Variants in ADAMTS7 observed in about 807,000 individuals in gnomAD.
The protein encoded by ADAMTS7 is A disintegrin and metalloproteinase with thrombospondin motifs 7.
In ADAMTS7, 89 loss-of-function variants were observed where a neutral mutation model predicts 172.6. The ratio of observed to expected loss-of-function variants is 0.52; its 90% CI spans 0.43 to 0.61. The LOEUF (loss-of-function observed/expected upper bound fraction) is 0.61, where lower values mean the gene tolerates loss of function less well. Ranked by LOEUF, ADAMTS7 falls within the 20% of genes least tolerant of loss-of-function variation. The probability of loss-of-function intolerance (pLI) is 0.00; values close to 1 mark genes in which losing one functional copy is unlikely to be tolerated. For synonymous variants in ADAMTS7, 885 were observed against 978.4 expected (o/e 0.90, Z 1.78); for missense variants, 1,973 against 2,355.6 (o/e 0.84, Z 3.36).
At chr15:78,768,311 AAGAC>A in intron 16 of ADAMTS7, 52 bp from the exon 17 acceptor site, 1 of 1,606,904 alleles carries the variant, frequency 6.2e-7, no homozygotes, top group South Asian at 1.1e-5. Context: ...CCCACCACCC[AAGAC>A]CCAAAGACAC....
Position 78,774,175 on chromosome 15 carries a change from T to C in ADAMTS7, c.2002A>G (p.Ile668Val), listed in dbSNP as rs2055298774. The C allele has an allele frequency of 1.7e-5, 27 of 1,592,044 alleles. No homozygotes were observed. The highest frequency in any genetic ancestry group is 2.2e-5 in the Non-Finnish European group (26 of 1,177,710). Reference protein sequence around the residue: ...RASRDLCINGICKNVGCDFEI... With the variant: ...RASRDLCINGVCKNVGCDFEI... ...TTCCTAACCAGGCACACCTTACAGA[T>C]GCCGTTGATGCAGAGGTCCCGGCTG... The change falls in exon 13 of 24, where the codon ATC becomes GTC. Residue 668 changes from isoleucine to valine, a missense_variant. Physicochemically the swap from Ile to Val is conservative, Grantham distance 29. Transcript: ENST00000388820.
chr15:78,780,682 C>T (rs1359735251), intron 8 of ADAMTS7, among the ~76,000 whole-genome samples: 1 of 152,116 alleles, frequency 6.6e-6, no homozygotes, highest in African/African-American at 2.4e-5. Context: ...CCAGTGCCCC[C>T]CCACCACCTC....
rs1447849936 is a variant in ADAMTS7 at position 78,791,152 on chromosome 15, C to A, written c.891G>T (p.Leu297=). Residue 297 remains leucine, a synonymous_variant, in exon 5 of 24, where the codon CTG becomes CTT. Coordinates refer to ENST00000388820, the MANE Select transcript of ADAMTS7 (RefSeq NM_014272.5). The part of the protein sequence containing the change: ...IHITIVRLVL[L]EDEEEDLKIT... ...CATGACCACTCACCTCCTCATCTTC[C>A]AGCAGGACCAGGCGCACAATGGTGA... 1 of 1,613,298 alleles carries A rather than the reference C, an allele frequency of 6.2e-7. No individual in the cohort carries two copies. Among genetic ancestry groups the A allele is most frequent in the Non-Finnish European group, 8.5e-7 (1 of 1,179,620 alleles).
chr15:78,806,853 G>A (rs148848050), intron 1 of ADAMTS7, among the ~76,000 whole-genome samples: 91 of 152,180 alleles, frequency 6.0e-4, no homozygotes, highest in African/African-American at 1.7e-3. Flanking sequence ...TGCAACCTCC[G>A]GCTGCTGGGT....
At position 78,771,742 on chromosome 15, in the gene ADAMTS7, C is replaced by T. The variant is rs775656627; in HGVS notation, c.2219G>A (p.Arg740Gln). ...GAAGTACTTCTCCGGGTCCTCGCTC[C>T]GCAGTGCCAGGAAGTTGGCAGCCTC... ...VAEAANFLALRSEDPEKYFLN... is the reference protein window; with the variant it reads ...VAEAANFLALQSEDPEKYFLN... Residue 740 changes from arginine to glutamine, a missense_variant, in exon 15 of 24, where the codon CGG (arginine) becomes CAG (glutamine). Transcript: ENST00000388820. The surrounding 1 kb of genome is among the most constrained non-coding windows in gnomAD (Gnocchi z 4.9). 19 of 1,611,482 alleles carry T rather than the reference C, an allele frequency of 1.2e-5. No homozygotes were observed. The highest frequency in any genetic ancestry group is 1.4e-5 in the Non-Finnish European group (17 of 1,180,008).
Position 78,771,221 on chromosome 15 carries a change from G to T in ADAMTS7, c.2459C>A (p.Pro820Gln), listed in dbSNP as rs3825830. Reference sequence around the variant, plus strand: ...CCCATAATGCCAGGAGAACACGGGCGGCGGGACCTCGTCGTGGCCACCTGC... The same window carrying T: ...CCCATAATGCCAGGAGAACACGGGCTGCGGGACCTCGTCGTGGCCACCTGC... ...REAGGHDEVP[P>Q]PVFSWHYGPW... Residue 820 changes from proline (P) to glutamine (Q), a missense_variant, in exon 16 of 24, where the codon CCG becomes CAG. Transcript: ENST00000388820. The surrounding 1 kb of genome is among the most constrained non-coding windows in gnomAD (Gnocchi z 4.9). 6.2e-7 allele frequency: 1 copy of T among 1,611,898 alleles called. No homozygotes were observed. Among genetic ancestry groups the T allele is most frequent in the South Asian group, 1.1e-5 (1 of 90,874 alleles).
chr15:78,764,854 C>T lies in ADAMTS7; in HGVS notation c.4267-147G>A, dbSNP rs1054560912. On this transcript the variant is annotated intron_variant, in intron 19 of 23. Transcript: ENST00000388820. Reference sequence around the variant, plus strand: ...AGTTTCCTTATTTGCAAAATAGGCTCCTTCACCCACCTCCCAGGAAGACCG... The same window carrying T: ...AGTTTCCTTATTTGCAAAATAGGCTTCTTCACCCACCTCCCAGGAAGACCG... 3.6e-5 allele frequency: 27 copies of T among 754,226 alleles called. No homozygotes were observed. The African/African-American group carries it at 3.9e-4, about 11-fold the overall frequency. The allele number at this position is 754,226 out of a possible 1,614,324, so 46.7% of individuals were successfully genotyped here.
At chr15:78,791,282 G>GCCCCCGGGGCCC in intron 4 of ADAMTS7, 59 bp from the exon 5 acceptor site, 1 of 1,488,262 alleles carries the variant, frequency 6.7e-7, no homozygotes, top group Non-Finnish European at 9.1e-7. Context: ...AGCAGCCAAT[G>GCCCCCGGGGCCC]CCCACCCCAA....
rs2055257545 is a variant in ADAMTS7, at chr15:78,771,894, C to A, written c.2132-65G>T. 2.6e-6 allele frequency: 4 copies of A among 1,559,056 alleles called. No individual in the cohort carries two copies. The highest frequency in any genetic ancestry group is 3.5e-6 in the Non-Finnish European group (4 of 1,157,194). On this transcript the variant is annotated intron_variant, in intron 14 of 23. Transcript: ENST00000388820. The surrounding 1 kb of genome is among the most constrained non-coding windows in gnomAD (Gnocchi z 4.9). The stretch of plus-strand genomic sequence containing the variant: ...AGAGGGTTGCTTATCCCCACCCGCT[C>A]CCCTCATGTCTCTCCCCACTTGCCT...
At position 78,762,527 on chromosome 15, in the gene ADAMTS7, C is replaced by T. The variant is rs373803021; in HGVS notation, c.4779G>A (p.Leu1593=). 711 of 1,576,222 alleles carry T rather than the reference C, an allele frequency of 4.5e-4. 3 individuals are homozygous for T. Among genetic ancestry groups the T allele is most frequent in the Middle Eastern group, 4.0e-3 (22 of 5,534 alleles). ...GPCGGGVQRR[L]VKCVNTQTGL... ...CTGTCTGGGTGTTGACACACTTGAC[C>T]AGGCGCCGCTGGACACCACCACCAC... Residue 1593 remains leucine (L), a synonymous_variant, in exon 23 of 24, where the codon CTG becomes CTA. Transcript: ENST00000388820.
In ADAMTS7 at chr15:78,762,570, G is replaced by A. The variant is rs776188638; in HGVS notation, c.4741-5C>T. On this transcript the variant is annotated splice_region_variant and splice_polypyrimidine_tract_variant and intron_variant, in intron 22 of 23. Coordinates refer to ENST00000388820, the MANE Select transcript of ADAMTS7 (RefSeq NM_014272.5). The stretch of plus-strand genomic sequence containing the variant: ...ACCACCACAGGGGCCTGAGCACTGA[G>A]GGGAGCGGGGGAGGAATGAGTGTCT... 6 of 1,464,792 alleles carry A rather than the reference G, an allele frequency of 4.1e-6. No homozygotes were observed. Among genetic ancestry groups the A allele is most frequent in the Non-Finnish European group, 5.5e-6 (6 of 1,098,430 alleles). The allele number at this position is 1,464,792 out of a possible 1,614,324, so 90.7% of individuals were successfully genotyped here. A position where few individuals can be genotyped will look rare whatever the true frequency, so the allele number is the denominator to read the frequency against.
chr15:78,785,254 A>G (rs2055485674), intron 8 of ADAMTS7, among the ~76,000 whole-genome samples: 1 of 152,206 alleles, frequency 6.6e-6, no homozygotes, highest in Non-Finnish European at 1.5e-5. Context: ...TGTTCTTAAA[A>G]AGAAATGCCA....
intron 8 of ADAMTS7, among the ~76,000 whole-genome samples, chr15:78,781,620 T>A (rs2055429936): frequency 6.6e-6 from 1 of 152,126 alleles, no homozygotes; most frequent in Non-Finnish European, 1.5e-5. Flanking sequence ...CAGAGACTTG[T>A]CTGTCTGTCT....
At chr15:78,759,644 C>T (rs904561008) in intron 23 of ADAMTS7, 66 bp from the exon 24 acceptor site, 121 of 1,459,408 alleles carry the variant, frequency 8.3e-5, no homozygotes, top group Middle Eastern at 5.0e-4. Flanking sequence ...TGGCTCCCTA[C>T]GCCAACCACC....
chr15:78,766,952 C>T lies in ADAMTS7; in HGVS notation c.2959G>A (p.Val987Ile). 1 of 1,610,830 alleles carries T rather than the reference C, an allele frequency of 6.2e-7. No individual in the cohort carries two copies. The highest frequency in any genetic ancestry group is 8.5e-7 in the Non-Finnish European group (1 of 1,179,482). ...CGACAGAGTGGCAGAGAGCAGGTGA[C>T]TTCGCTGGCTGGCTGCTGGGCCTCG... ...CDEAQQPASE[V>I]TCSLPLCRWP... is the part of the protein sequence containing the mutation. Residue 987 changes from valine (V) to isoleucine (I), a missense_variant, in exon 19 of 24, where the codon GTC becomes ATC. By Grantham distance (29) the Val-to-Ile change is conservative. Coordinates refer to ENST00000388820, the MANE Select transcript of ADAMTS7 (RefSeq NM_014272.5).
In ADAMTS7 at chr15:78,788,492, A is replaced by G. The variant is rs889771314; in HGVS notation, c.1179-118T>C. On this transcript the variant is annotated intron_variant, in intron 7 of 23. Transcript: ENST00000388820. ...TTCCCAGGGCTGGTTCTGCCACCCA[A>G]TGGCTGCACCCAATGGCTGCAGAAA... 42 of 1,225,044 alleles carry G rather than the reference A, an allele frequency of 3.4e-5. 1 individual carries two copies. The highest frequency in any genetic ancestry group is 4.5e-5 in the Admixed American group (2 of 44,854). 75.9% of individuals were successfully genotyped at this position (1,225,044 alleles called of 1,614,324 possible). A position where few individuals can be genotyped will look rare whatever the true frequency, so the allele number is the denominator to read the frequency against.
intron 14 of ADAMTS7, among the ~76,000 whole-genome samples, chr15:78,772,191 A>G (rs151036032): frequency 0.039 from 5,943 of 152,104 alleles, 244 homozygotes; most frequent in East Asian, 0.12. Context: ...GCTTTTATTC[A>G]TTCACTTCCA....
intron 8 of ADAMTS7, among the ~76,000 whole-genome samples, chr15:78,778,272 T>C (rs926740908): frequency 1.3e-5 from 2 of 152,166 alleles, no homozygotes; most frequent in Non-Finnish European, 2.9e-5. Context: ...TGTGGTGTGG[T>C]GAAGACAAGG....
At chr15:78,790,873 C>T in intron 5 of ADAMTS7, 79 bp from the exon 6 acceptor site, 1 of 1,584,468 alleles carries the variant, frequency 6.3e-7, no homozygotes. Flanking sequence ...CATACGAAGG[C>T]AGGAGACAGA....
Sources: gnomAD v4.1 joint callset for allele counts (sites outside exome capture counted in the v4.1 genomes callset) on GRCh38, gnomAD v4.1.1 for gene constraint, Gnocchi (gnomAD v3.1) non-coding constraint, MANE v1.5 for transcripts, NCBI Gene and HGNC (gene_info 2026-07-23, HGNC 2026-07-21) for gene names.